GARIN1A: variants seen among roughly 807,000 people sequenced by gnomAD.
GARIN1A encodes golgi associated RAB2 interactor 1A, also known as Golgi-associated RAB2 interactor protein 1A.
At chr7:128,704,069 T>C in the GARIN1A span, among the ~76,000 whole-genome samples, 1 of 152,082 alleles carries the variant, frequency 6.6e-6, no homozygotes, top group Non-Finnish European at 1.5e-5. Context: ...TTGAAGGGAA[T>C]GGAGAAGAAA....
At chr7:128,677,501 T>C in the GARIN1A span, 1 of 273,840 alleles carries the variant, frequency 3.7e-6, no homozygotes, top group Non-Finnish European at 6.1e-6. Context: ...CGAGACTCCG[T>C]CTCAAAAAAA....
the GARIN1A span, chr7:128,690,419 T>C: frequency 6.6e-6 from 1 of 152,088 alleles, no homozygotes; most frequent in Non-Finnish European, 1.5e-5. Context: ...AATAAATAAA[T>C]AATAATAATA....
the GARIN1A span, chr7:128,691,251 T>C: frequency 1.3e-5 from 2 of 152,146 alleles, no homozygotes; most frequent in Non-Finnish European, 2.9e-5. Context: ...AGAATTCCCT[T>C]GGTTCCTGCA....
chr7:128,681,853 A>C, the GARIN1A span, among the ~76,000 whole-genome samples: 1 of 149,864 alleles, frequency 6.7e-6, no homozygotes, highest in African/African-American at 2.5e-5. Context: ...CTCAACTGCA[A>C]CACCTCCCTT....
At chr7:128,694,426 G>C in the GARIN1A span, among the ~76,000 whole-genome samples, 1 of 151,964 alleles carries the variant, frequency 6.6e-6, no homozygotes, top group South Asian at 2.1e-4. Flanking sequence ...CCAACTACTC[G>C]GGAGGCTGAG....
At chr7:128,673,943 C>G in the GARIN1A span, among the ~76,000 whole-genome samples, 4 of 152,146 alleles carry the variant, frequency 2.6e-5, no homozygotes, top group Middle Eastern at 3.4e-3. Context: ...AGTCTCACTC[C>G]GTTGCCCTGG....
At chr7:128,687,541 C>A in the GARIN1A span, 1 of 152,142 alleles carries the variant, frequency 6.6e-6, no homozygotes, top group African/African-American at 2.4e-5. Flanking sequence ...TACAAGAAGA[C>A]CATTAGGGGA....
chr7:128,704,885 T>A, the GARIN1A span, among the ~76,000 whole-genome samples: 8 of 152,146 alleles, frequency 5.3e-5, no homozygotes, highest in Non-Finnish European at 1.2e-4. Flanking sequence ...ACAATATGGG[T>A]TAGCAATTCT....
chr7:128,701,182 T>C, the GARIN1A span, among the ~76,000 whole-genome samples: 1 of 151,372 alleles, frequency 6.6e-6, no homozygotes, highest in Non-Finnish European at 1.5e-5. Flanking sequence ...TTCAGCCCCA[T>C]GTTGTTCCAG....
At chr7:128,691,520 T>C in the GARIN1A span, 1 of 152,168 alleles carries the variant, frequency 6.6e-6, no homozygotes, top group East Asian at 1.9e-4. Context: ...CCTAGGAGGC[T>C]AGGCATTCTT....
the GARIN1A span, among the ~76,000 whole-genome samples, chr7:128,696,630 C>T: frequency 0.15 from 23,142 of 152,018 alleles, 1,986 homozygotes; most frequent in East Asian, 0.37. Flanking sequence ...GAGTTCAAAA[C>T]CAGCCTCCTG....
chr7:128,706,976 G>A, the GARIN1A span, among the ~76,000 whole-genome samples: 6 of 152,148 alleles, frequency 3.9e-5, no homozygotes, highest in Admixed American at 3.3e-4. Context: ...GGACTCAGGG[G>A]CCTGTCTGTA....
the GARIN1A span, among the ~76,000 whole-genome samples, chr7:128,688,400 G>A: frequency 6.6e-6 from 1 of 152,202 alleles, no homozygotes; most frequent in Admixed American, 6.5e-5. Flanking sequence ...CACAAAATGA[G>A]AGAAGGATTT....
chr7:128,689,787 G>C, the GARIN1A span, among the ~76,000 whole-genome samples: 1 of 77,594 alleles, frequency 1.3e-5, no homozygotes, highest in African/African-American at 4.2e-5. Flanking sequence ...GGAGGGAGGT[G>C]GGGGGTCAGC....
chr7:128,692,478 ACAC>A, the GARIN1A span, among the ~76,000 whole-genome samples: 6 of 152,330 alleles, frequency 3.9e-5, no homozygotes, highest in South Asian at 1.0e-3. Flanking sequence ...GCCAATACAC[ACAC>A]CATTTAAAAG....
chr7:128,676,276 C>A, the GARIN1A span, among the ~76,000 whole-genome samples: 11 of 142,424 alleles, frequency 7.7e-5, no homozygotes, highest in African/African-American at 2.7e-4. Flanking sequence ...TCCCAAAGTG[C>A]TGGGATTACA....
At chr7:128,688,168 C>T in the GARIN1A span, among the ~76,000 whole-genome samples, 1 of 152,124 alleles carries the variant, frequency 6.6e-6, no homozygotes, top group African/African-American at 2.4e-5. Context: ...CGCGCCACCA[C>T]ATCCAGCTAA....
the GARIN1A span, among the ~76,000 whole-genome samples, chr7:128,704,642 CAT>C: frequency 1.1e-4 from 16 of 152,300 alleles, no homozygotes; most frequent in African/African-American, 3.4e-4. Flanking sequence ...AGATCACTCA[CAT>C]GTGCAGTTCA....
the GARIN1A span, among the ~76,000 whole-genome samples, chr7:128,676,017 ATC>A: frequency 1.5e-4 from 18 of 121,146 alleles, no homozygotes; most frequent in South Asian, 8.4e-4. Flanking sequence ...TTTATTTAGT[ATC>A]TTTTTTTTTT....
Sources: gnomAD v4.1 joint callset for allele counts (sites outside exome capture counted in the v4.1 genomes callset) on GRCh38, gnomAD v4.1.1 for gene constraint, MANE v1.5 for transcripts, NCBI Gene and HGNC (gene_info 2026-07-23, HGNC 2026-07-21) for gene names.